Variants in MCTP2 observed in about 807,000 individuals in gnomAD.
MCTP2 encodes the protein multiple C2 and transmembrane domain containing 2, also known as multiple C2 and transmembrane domain-containing protein 2.
A neutral mutation model predicts 111.6 loss-of-function variants in MCTP2; 132 were observed. The observed-to-expected ratio is 1.18, with a 90% CI of 1.03 to 1.37. MCTP2 has a LOEUF of 1.37. Among genes scored for constraint, MCTP2 ranks in the 40% most tolerant of loss-of-function variants. The pLI is 0.00. For missense variants in MCTP2, 1,183 were observed against 1,067.9 expected (o/e 1.11, Z -1.50); for synonymous variants, 395 against 387.7 (o/e 1.02, Z -0.22).
intron 1 of MCTP2, among the ~76,000 whole-genome samples, chr15:94,245,170 A>G (rs1414242944): frequency 6.8e-6 from 1 of 147,606 alleles, no homozygotes; most frequent in Non-Finnish European, 1.5e-5. Context: ...ATTTATACAC[A>G]TGTATAGATT....
At chr15:94,316,118 C>G (rs2152365973) in intron 4 of MCTP2, among the ~76,000 whole-genome samples, 1 of 152,296 alleles carries the variant, frequency 6.6e-6, no homozygotes, top group Non-Finnish European at 1.5e-5. Context: ...TTTTACAAGT[C>G]TCTACCTAGC....
rs369517130 is a variant in MCTP2, at chr15:94,440,218, C to T, written c.2128C>T (p.Pro710Ser). ...TVWNFELYMI[P>S]LALLLIFVYN... ...CTGGAATTTTGAACTATATATGATCCCCTTGGCATTGTTGCTGATCTTTGT... is the reference window on the plus strand; with the variant it reads ...CTGGAATTTTGAACTATATATGATCTCCTTGGCATTGTTGCTGATCTTTGT... The change falls in exon 18 of 23, where the codon CCC becomes TCC. Residue 710 changes from proline (P) to serine (S), a missense_variant. Coordinates refer to ENST00000357742, the MANE Select transcript of MCTP2 (RefSeq NM_001385001.1). The T allele has an allele frequency of 6.8e-6, 11 of 1,613,748 alleles. No homozygotes were observed. The highest frequency in any genetic ancestry group is 6.7e-5 in the African/African-American group (5 of 74,854).
intron 7 of MCTP2, chr15:94,342,533 C>A (rs2077701688): frequency 6.6e-6 from 1 of 151,866 alleles, no homozygotes; most frequent in South Asian, 2.1e-4. Flanking sequence ...TGGCAGAAGC[C>A]TAGTGTACAC....
chr15:94,248,530 T>C (rs1470487320), intron 1 of MCTP2, among the ~76,000 whole-genome samples: 1 of 152,242 alleles, frequency 6.6e-6, no homozygotes, highest in Admixed American at 6.5e-5. Context: ...CCAGGCTTGC[T>C]TTAACTTTCC....
intron 17 of MCTP2, among the ~76,000 whole-genome samples, chr15:94,437,774 AT>A (rs2083560314): frequency 6.6e-6 from 1 of 152,076 alleles, no homozygotes; most frequent in Admixed American, 6.5e-5. Context: ...ATATAGGAAA[AT>A]ATATCAATGG....
chr15:94,434,126 C>G (rs994253521), intron 17 of MCTP2, among the ~76,000 whole-genome samples: 71 of 151,158 alleles, frequency 4.7e-4, no homozygotes, highest in African/African-American at 1.7e-3. Flanking sequence ...TGGGGGGTTG[C>G]TGTCTCACTC....
intron 20 of MCTP2, among the ~76,000 whole-genome samples, chr15:94,469,537 A>T (rs1405720929): frequency 1.3e-5 from 2 of 152,220 alleles, no homozygotes; most frequent in African/African-American, 4.8e-5. Context: ...TCTAAATATA[A>T]GTAATCAGTG....
At chr15:94,329,789 C>T (rs2077051492) in intron 4 of MCTP2, among the ~76,000 whole-genome samples, 1 of 152,196 alleles carries the variant, frequency 6.6e-6, no homozygotes, top group Admixed American at 6.5e-5. Context: ...TATCCATCAT[C>T]ACATAGTTAC....
intron 1 of MCTP2, among the ~76,000 whole-genome samples, chr15:94,259,137 C>T (rs1049194813): frequency 6.6e-5 from 10 of 152,176 alleles, no homozygotes; most frequent in Non-Finnish European, 2.9e-5. Flanking sequence ...ACCCCCTTCA[C>T]CCCACCCAGC....
At chr15:94,407,059 T>C (rs1018361097) in intron 17 of MCTP2, among the ~76,000 whole-genome samples, 1 of 152,098 alleles carries the variant, frequency 6.6e-6, no homozygotes. Flanking sequence ...TAAAGATAAA[T>C]TTGTTCTCAA....
intron 1 of MCTP2, among the ~76,000 whole-genome samples, chr15:94,243,637 A>G (rs535302021): frequency 2.0e-5 from 3 of 148,932 alleles, no homozygotes; most frequent in African/African-American, 7.4e-5. Context: ...ATATGCGTAT[A>G]TACATATATA....
At chr15:94,356,586 A>G (rs533629270) in intron 9 of MCTP2, among the ~76,000 whole-genome samples, 1 of 152,312 alleles carries the variant, frequency 6.6e-6, no homozygotes, top group East Asian at 1.9e-4. Context: ...TAAGCAAACT[A>G]TGTTTCATAG....
chr15:94,245,382 ATG>A (rs1398696589), intron 1 of MCTP2, among the ~76,000 whole-genome samples: 6 of 136,034 alleles, frequency 4.4e-5, no homozygotes, highest in Non-Finnish European at 6.2e-5. Context: ...ACATATGTAT[ATG>A]TATTTATATA....
rs1176192277 is a variant in MCTP2, at chr15:94,479,941, C to T, written c.*907C>T. On this transcript the variant is annotated 3_prime_UTR_variant, in exon 23 of 23. Transcript: ENST00000357742. Reference sequence around the variant, plus strand: ...AGGCTGCTTACCTAATTATTATAATCATTTCATTTGCCTGAATGTTTTAAG... The same window carrying T: ...AGGCTGCTTACCTAATTATTATAATTATTTCATTTGCCTGAATGTTTTAAG... 2 of 152,102 alleles carry T rather than the reference C, an allele frequency of 1.3e-5. No individual in the cohort carries two copies. The highest frequency in any genetic ancestry group is 2.9e-5 in the Non-Finnish European group (2 of 68,014). 9.4% of individuals were successfully genotyped at this position (152,102 alleles called of 1,614,324 possible).
chr15:94,298,640 C>G lies in MCTP2; in HGVS notation c.375C>G (p.Ala125=). The change falls in exon 2 of 23, where the codon GCC becomes GCG. Residue 125 remains alanine (A), a synonymous_variant. Transcript: ENST00000357742. ...AAACAGACTCAGAGGAGGCCTATGC[C>G]TCTCCTGCTGAGCGGAGACGGGTGT... The part of the protein sequence containing the change: ...VVETDSEEAY[A]SPAERRRVSS... 1.9e-6 allele frequency: 3 copies of G among 1,614,082 alleles called. No individual in the cohort carries two copies. The highest frequency in any genetic ancestry group is 1.7e-6 in the Non-Finnish European group (2 of 1,179,998).
At chr15:94,261,486 G>A (rs1267644616) in intron 1 of MCTP2, among the ~76,000 whole-genome samples, 1 of 152,080 alleles carries the variant, frequency 6.6e-6, no homozygotes, top group African/African-American at 2.4e-5. Flanking sequence ...ATAAAGTAGG[G>A]GCTTTTATGC....
upstream of MCTP2, chr15:94,231,414 C>G (rs1439141618): frequency 6.6e-6 from 1 of 152,482 alleles, no homozygotes; most frequent in East Asian, 1.9e-4. Context: ...CGGCCGAGCT[C>G]CCGGCGGCAG....
At chr15:94,382,581 A>T (rs1333680237) in intron 12 of MCTP2, among the ~76,000 whole-genome samples, 1 of 152,242 alleles carries the variant, frequency 6.6e-6, no homozygotes, top group African/African-American at 2.4e-5. Context: ...AATAATCTTC[A>T]TACAGGCTCC....
In MCTP2 at chr15:94,260,245, G is replaced by A. The variant is rs139085140; in HGVS notation, c.-66+28581G>A. On this transcript the variant is annotated intron_variant, in intron 1 of 22. Coordinates refer to ENST00000357742, the MANE Select transcript of MCTP2 (RefSeq NM_001385001.1). ...ATTCCTCCCCGACTCAGGATCCAGT[G>A]GGCTTGCCATGGTGCATTCAGAGGC... is the stretch of plus-strand genomic sequence containing the variant. Among the ~76,000 whole-genome samples the A allele has an allele frequency of 1.7e-3, 257 of 152,206 alleles. 3 individuals carry two copies. Among genetic ancestry groups the A allele is most frequent in the Middle Eastern group, 6.8e-3 (2 of 294 alleles).
Sources: gnomAD v4.1 joint callset for allele counts (sites outside exome capture counted in the v4.1 genomes callset) on GRCh38, gnomAD v4.1.1 for gene constraint, MANE v1.5 for transcripts, NCBI Gene and HGNC (gene_info 2026-07-23, HGNC 2026-07-21) for gene names.